The following COL19A1 variants were observed in gnomAD, a reference collection of about 807,000 sequenced individuals.
COL19A1 encodes the protein collagen alpha-1(XIX) chain.
In COL19A1, 159 loss-of-function variants were observed where a neutral mutation model predicts 190.2. The ratio of observed to expected loss-of-function variants is 0.84; its 90% confidence interval spans 0.73 to 0.95. COL19A1 has a LOEUF of 0.95. COL19A1 is among the 40% of genes least tolerant of loss of function. The pLI is 0.00. For synonymous variants in COL19A1, 509 were observed against 458.9 expected (o/e 1.11, Z -1.39); for missense variants, 1,418 against 1,431.9 (o/e 0.99, Z 0.16).
chr6:70,174,375 C>T (rs1421275558), intron 41 of COL19A1, among the ~76,000 whole-genome samples: 2 of 152,164 alleles, frequency 1.3e-5, no homozygotes, highest in African/African-American at 2.4e-5. Context: ...CAAGACCAGC[C>T]TGGCCAACGT....
rs114782616 is a variant in COL19A1 at position 70,093,589 on chromosome 6, C to T, written c.1225-8580C>T. On this transcript the variant is annotated intron_variant, in intron 15 of 50. Coordinates refer to ENST00000620364, the MANE Select transcript of COL19A1 (RefSeq NM_001858.6). ...AGCAGAGGAGAACTAGGAAGATCCA[C>T]GTTCCAAAGGGAAAAGCAGCAAGTA... Among the ~76,000 whole-genome samples, 1,021 of 152,062 alleles carry T rather than the reference C, an allele frequency of 6.7e-3. 12 individuals carry two copies. The highest frequency in any genetic ancestry group is 0.022 in the African/African-American group (927 of 41,472).
intron 35 of COL19A1, 131 bp from the exon 36 acceptor site, chr6:70,163,212 A>T: frequency 1.3e-6 from 1 of 780,290 alleles, no homozygotes; most frequent in South Asian, 1.9e-5. Flanking sequence ...CAGAAGAAAC[A>T]TAAGCTTCTA....
chr6:69,895,222 G>C (rs1429753513), intron 2 of COL19A1, among the ~76,000 whole-genome samples: 2 of 151,838 alleles, frequency 1.3e-5, no homozygotes, highest in African/African-American at 4.8e-5. Flanking sequence ...TCCTGAAAAA[G>C]GAAAAAAAAG....
At chr6:69,877,372 G>C (rs1768191745) in intron 1 of COL19A1, among the ~76,000 whole-genome samples, 1 of 152,156 alleles carries the variant, frequency 6.6e-6, no homozygotes. Flanking sequence ...CAAAGGAGTA[G>C]AAGTGTACAT....
intron 14 of COL19A1, among the ~76,000 whole-genome samples, chr6:70,058,861 A>T (rs1262067373): frequency 6.6e-6 from 1 of 152,022 alleles, no homozygotes; most frequent in African/African-American, 2.4e-5. Context: ...TTGAGAGTGG[A>T]CTATATATTA....
At chr6:70,045,078 C>T (rs28830576) in intron 14 of COL19A1, among the ~76,000 whole-genome samples, 48,241 of 151,728 alleles carry the variant, frequency 0.32, 9,707 homozygotes, top group Non-Finnish European at 0.44. Context: ...TTTAGGAGGC[C>T]GAGGTGGGCG....
At chr6:70,126,205 A>G (rs1242493657) in intron 17 of COL19A1, among the ~76,000 whole-genome samples, 1 of 152,088 alleles carries the variant, frequency 6.6e-6, no homozygotes, top group East Asian at 1.9e-4. Flanking sequence ...CTTTTCACAT[A>G]TTAAATCATA....
At chr6:70,072,227 TAACA>T (rs1322808906) in intron 15 of COL19A1, among the ~76,000 whole-genome samples, 3 of 152,324 alleles carry the variant, frequency 2.0e-5, no homozygotes, top group African/African-American at 7.2e-5. Flanking sequence ...TTAGTATTCC[TAACA>T]AACAGACTCT....
chr6:69,927,823 T>C (rs768837879), intron 4 of COL19A1, 86 bp from the exon 5 acceptor site: 2 of 1,448,682 alleles, frequency 1.4e-6, no homozygotes, highest in Non-Finnish European at 1.9e-6. Flanking sequence ...GACTGAGATA[T>C]TGTGTTACAC....
chr6:70,075,580 A>T (rs1482058519), intron 15 of COL19A1, among the ~76,000 whole-genome samples: 12 of 152,232 alleles, frequency 7.9e-5, no homozygotes, highest in Admixed American at 7.9e-4. Context: ...CTTCTAGCAC[A>T]GGCTAATTAA....
intron 2 of COL19A1, among the ~76,000 whole-genome samples, chr6:69,881,274 C>T (rs1202183687): frequency 6.6e-6 from 1 of 152,076 alleles, no homozygotes; most frequent in African/African-American, 2.4e-5. Flanking sequence ...TTTCTTTTTT[C>T]TTTTCACCTG....
chr6:70,083,925 T>G (rs1386486412), intron 15 of COL19A1, among the ~76,000 whole-genome samples: 3 of 152,154 alleles, frequency 2.0e-5, no homozygotes, highest in Non-Finnish European at 4.4e-5. Context: ...AAATAGAATT[T>G]CTGAAAAAGT....
chr6:69,897,949 A>G (rs1185024316), intron 2 of COL19A1, among the ~76,000 whole-genome samples: 1 of 152,152 alleles, frequency 6.6e-6, no homozygotes, highest in Non-Finnish European at 1.5e-5. Flanking sequence ...TTCTGGTTAA[A>G]TATATTAAGA....
At chr6:69,926,570 G>C (rs1000014791) in intron 4 of COL19A1, among the ~76,000 whole-genome samples, 2 of 152,050 alleles carry the variant, frequency 1.3e-5, no homozygotes, top group Non-Finnish European at 2.9e-5. Flanking sequence ...CCAGGAACTT[G>C]AAGATAGTTC....
intron 17 of COL19A1, among the ~76,000 whole-genome samples, chr6:70,123,984 TA>T (rs201155519): frequency 0.094 from 12,965 of 138,262 alleles, 620 homozygotes; most frequent in Middle Eastern, 0.14. Context: ...AAAAAAAAAC[TA>T]AAAAAAAAAG....
chr6:69,988,888 C>G (rs944326595), intron 11 of COL19A1, among the ~76,000 whole-genome samples: 1 of 152,134 alleles, frequency 6.6e-6, no homozygotes, highest in Non-Finnish European at 1.5e-5. Flanking sequence ...AAAACAAAAC[C>G]CTTCTGCTTT....
intron 2 of COL19A1, chr6:69,889,955 C>A (rs1342118106): frequency 1.3e-5 from 2 of 152,320 alleles, no homozygotes; most frequent in Non-Finnish European, 2.9e-5. Flanking sequence ...GTCCACACCA[C>A]CTTTAAGAGC....
At chr6:70,025,294 T>A (rs1280166548) in intron 12 of COL19A1, among the ~76,000 whole-genome samples, 1 of 152,132 alleles carries the variant, frequency 6.6e-6, no homozygotes, top group Admixed American at 6.5e-5. Context: ...CCTCCCAAAG[T>A]GCTGGGATTA....
chr6:70,165,764 T>C (rs1765110462), intron 36 of COL19A1, among the ~76,000 whole-genome samples, 177 bp from the exon 37 acceptor site: 2 of 152,208 alleles, frequency 1.3e-5, no homozygotes, highest in Admixed American at 6.5e-5. Context: ...TGTCCTGCGG[T>C]CTAGAAATGT....
Sources: allele counts gnomAD v4.1 joint callset (sites outside exome capture counted in the v4.1 genomes callset), GRCh38; gene constraint gnomAD v4.1.1; transcripts MANE v1.5; gene names NCBI Gene and HGNC (gene_info 2026-07-23, HGNC 2026-07-21).